The following SRPK2 variants were observed in gnomAD, a reference collection of about 807,000 sequenced individuals.
The protein encoded by SRPK2 is SFRS protein kinase 2.
SRPK2 carries 21 observed loss-of-function variants against 90.8 expected under a neutral mutation model. That is an observed-to-expected ratio of 0.23 (90% CI 0.16 to 0.33). The LOEUF is 0.33. SRPK2 is among the 10% of genes least tolerant of loss of function. SRPK2 has a pLI of 1.00. For synonymous variants in SRPK2, 288 were observed against 311.1 expected, an observed-to-expected ratio of 0.93 and a Z score of 0.78; for missense variants, 620 against 869.0, an observed-to-expected ratio of 0.71 and a Z score of 3.60.
intron 6 of SRPK2, among the ~76,000 whole-genome samples, chr7:105,164,426 ATTATCC>A (rs1485431863): frequency 2.6e-5 from 4 of 152,162 alleles, no homozygotes; most frequent in African/African-American, 7.2e-5. Flanking sequence ...CATCCACCTT[ATTATCC>A]TTATTTGGCT....
At chr7:105,342,866 T>C (rs761601002) in intron 2 of SRPK2, among the ~76,000 whole-genome samples, 3 of 151,938 alleles carry the variant, frequency 2.0e-5, no homozygotes. Context: ...TATAAAAGTC[T>C]AGAATGGGAA....
At chr7:105,335,799 A>AG (rs1280378767) in intron 2 of SRPK2, among the ~76,000 whole-genome samples, 1 of 151,946 alleles carries the variant, frequency 6.6e-6, no homozygotes, top group African/African-American at 2.4e-5. Context: ...ACTAAAAAAA[A>AG]CAAAAAATTA....
chr7:105,354,938 TTC>T (rs1563277883), intron 2 of SRPK2, among the ~76,000 whole-genome samples: 3 of 152,200 alleles, frequency 2.0e-5, no homozygotes. Flanking sequence ...TAAATCTACT[TTC>T]TGTCTCTATG....
chr7:105,227,421 T>C (rs1798845465), intron 2 of SRPK2, among the ~76,000 whole-genome samples: 1 of 152,066 alleles, frequency 6.6e-6, no homozygotes, highest in Admixed American at 6.6e-5. Context: ...AAGCAAAGGA[T>C]CTGAATAGAT....
chr7:105,273,573 G>A (rs1450421096), intron 2 of SRPK2, among the ~76,000 whole-genome samples: 1 of 151,842 alleles, frequency 6.6e-6, no homozygotes, highest in Non-Finnish European at 1.5e-5. Flanking sequence ...TTACAGGTGG[G>A]CACCACCACG....
intron 2 of SRPK2, among the ~76,000 whole-genome samples, chr7:105,340,399 CTTTTTTTTTT>C (rs781142110): frequency 7.8e-6 from 1 of 128,314 alleles, no homozygotes; most frequent in East Asian, 2.1e-4. Context: ...CTTTTCTCTC[CTTTTTTTTTT>C]TTTTTTTTTT....
At chr7:105,343,361 G>A (rs909232498) in intron 2 of SRPK2, among the ~76,000 whole-genome samples, 1 of 152,170 alleles carries the variant, frequency 6.6e-6, no homozygotes, top group African/African-American at 2.4e-5. Context: ...TTGAGCCCAG[G>A]AGGTTGAGGC....
At chr7:105,342,950 A>G (rs1488572808) in intron 2 of SRPK2, among the ~76,000 whole-genome samples, 1 of 152,218 alleles carries the variant, frequency 6.6e-6, no homozygotes, top group Non-Finnish European at 1.5e-5. Context: ...TGACATAAAA[A>G]ATGTGCTAAG....
chr7:105,379,750 G>A (rs186581993), intron 2 of SRPK2, among the ~76,000 whole-genome samples: 78 of 152,260 alleles, frequency 5.1e-4, no homozygotes, highest in Non-Finnish European at 7.5e-4. Context: ...AAGCCGAGGC[G>A]GGCAGATCAC....
chr7:105,129,185 C>T (rs894974865), intron 13 of SRPK2, among the ~76,000 whole-genome samples: 2 of 152,116 alleles, frequency 1.3e-5, no homozygotes, highest in Admixed American at 6.5e-5. Flanking sequence ...CCGCCTGCCT[C>T]GGCCTCCCAA....
At chr7:105,340,399 C>CTTTTTTTTTTTTTTTTTTTTTTTTT (rs781142110) in intron 2 of SRPK2, among the ~76,000 whole-genome samples, 1 of 128,314 alleles carries the variant, frequency 7.8e-6, no homozygotes, top group Non-Finnish European at 1.7e-5. Flanking sequence ...CTTTTCTCTC[C>CTTTTTTTTTTTTTTTTTTTTTTTTT]TTTTTTTTTT....
At chr7:105,134,565 T>C (rs746929822) in intron 11 of SRPK2, among the ~76,000 whole-genome samples, 13 of 152,238 alleles carry the variant, frequency 8.5e-5, no homozygotes, top group Non-Finnish European at 1.8e-4. Flanking sequence ...CTTTGTTTCC[T>C]TGAAGCTGGG....
chr7:105,145,240 C>G (rs985485862), intron 9 of SRPK2, 43 bp downstream of exon 9: 2 of 1,512,574 alleles, frequency 1.3e-6, no homozygotes, highest in Non-Finnish European at 1.8e-6. Context: ...TAAACGGTCT[C>G]TTTTAACATG....
intron 2 of SRPK2, among the ~76,000 whole-genome samples, chr7:105,254,517 C>T (rs1464343799): frequency 6.6e-6 from 1 of 152,052 alleles, no homozygotes; most frequent in South Asian, 2.1e-4. Context: ...TTCTATGCAA[C>T]CTTTATAAAT....
In SRPK2 at chr7:105,142,061, G is replaced by A. The variant is rs56112661; in HGVS notation, c.1490C>T (p.Ser497Phe). 261 of 1,614,164 alleles carry A rather than the reference G, an allele frequency of 1.6e-4. 1 individual carries two copies. The highest frequency in any genetic ancestry group is 8.2e-4 in the Middle Eastern group (5 of 6,062). ...PLTEQEESSPSHDRSRTVSAS... is the reference protein window; with the variant it reads ...PLTEQEESSPFHDRSRTVSAS... ...TGAAACCGTTCTGCTTCTGTCATGGGATGGACTGCTCTCCTCTTGCTCAGT... is the reference window on the plus strand; with the variant it reads ...TGAAACCGTTCTGCTTCTGTCATGGAATGGACTGCTCTCCTCTTGCTCAGT... The change falls in exon 11 of 16, where the codon TCC (serine) becomes TTC (phenylalanine). Residue 497 changes from serine (S) to phenylalanine (F), a missense_variant. By Grantham distance (155) the Ser-to-Phe change is radical (BLOSUM62 -2). This residue lies in a region of SRPK2 where 243 missense variants were observed against 245.7 expected (regional missense o/e 0.99). Coordinates refer to ENST00000393651, the MANE Select transcript of SRPK2 (RefSeq NM_182692.3).
chr7:105,173,748 T>C (rs1181409500), intron 3 of SRPK2, among the ~76,000 whole-genome samples: 1 of 152,086 alleles, frequency 6.6e-6, no homozygotes, highest in Non-Finnish European at 1.5e-5. Flanking sequence ...AAAAGGAGTA[T>C]GGGACAATAA....
intron 11 of SRPK2, among the ~76,000 whole-genome samples, chr7:105,138,189 C>CATTT (rs1217042629): frequency 6.6e-6 from 1 of 152,188 alleles, no homozygotes; most frequent in Non-Finnish European, 1.5e-5. Flanking sequence ...AGGTATCACT[C>CATTT]ATTTGTTTGT....
At chr7:105,303,819 C>T (rs563176603) in intron 2 of SRPK2, among the ~76,000 whole-genome samples, 4 of 152,126 alleles carry the variant, frequency 2.6e-5, no homozygotes, top group Admixed American at 6.5e-5. Context: ...ACAAAACACA[C>T]GAATATGTGG....
At chr7:105,299,633 C>T (rs1345785714) in intron 2 of SRPK2, among the ~76,000 whole-genome samples, 2 of 152,214 alleles carry the variant, frequency 1.3e-5, no homozygotes, top group Non-Finnish European at 2.9e-5. Flanking sequence ...TGGCTCACAC[C>T]TGTAATCCCA....
Sources: gnomAD v4.1 joint callset for allele counts (sites outside exome capture counted in the v4.1 genomes callset) on GRCh38, gnomAD v4.1.1 for gene constraint, gnomAD v4.1.1 regional missense constraint, MANE v1.5 for transcripts, NCBI Gene and HGNC (gene_info 2026-07-23, HGNC 2026-07-21) for gene names.